The following MAP2K4 variants were observed in gnomAD, a reference collection of about 807,000 sequenced individuals.
MAP2K4 encodes dual specificity mitogen-activated protein kinase kinase 4.
Under a neutral mutation model 48.5 loss-of-function variants are expected in MAP2K4, and 4 were observed. That is an observed-to-expected ratio of 0.08 (90% confidence interval 0.04 to 0.19). The LOEUF (loss-of-function observed/expected upper bound fraction) is 0.19. MAP2K4 is among the 10% of genes least tolerant of loss of function. The pLI, the probability that MAP2K4 is intolerant of heterozygous loss-of-function variation, is 1.00. For synonymous variants in MAP2K4, 166 were observed against 173.1 expected, an observed-to-expected ratio of 0.96 and a Z score of 0.32; for missense variants, 258 against 493.3, an observed-to-expected ratio of 0.52 and a Z score of 4.52.
chr17:12,067,111 T>G (rs1407942833), intron 2 of MAP2K4, among the ~76,000 whole-genome samples: 1 of 152,216 alleles, frequency 6.6e-6, no homozygotes, highest in Non-Finnish European at 1.5e-5. Flanking sequence ...GGTGAGCCAC[T>G]GTGCCCCACC....
At chr17:12,023,989 AT>A (rs1234666390) in intron 1 of MAP2K4, among the ~76,000 whole-genome samples, 1 of 152,172 alleles carries the variant, frequency 6.6e-6, no homozygotes, top group Admixed American at 6.5e-5. Flanking sequence ...CCCTTTTACT[AT>A]TGGTAAATGA....
chr17:12,088,459 T>TAA (rs1407064764), intron 3 of MAP2K4, among the ~76,000 whole-genome samples: 23,268 of 138,842 alleles, frequency 0.17, 2,410 homozygotes, highest in South Asian at 0.3. Flanking sequence ...TATTAAATAT[T>TAA]ATACAATATT....
intron 1 of MAP2K4, among the ~76,000 whole-genome samples, chr17:12,023,704 A>C (rs1969166828): frequency 6.6e-6 from 1 of 152,076 alleles, no homozygotes; most frequent in Non-Finnish European, 1.5e-5. Context: ...CAGGCTGGCC[A>C]ATATTGCTTT....
At chr17:12,039,562 C>T (rs1969711416) in intron 1 of MAP2K4, among the ~76,000 whole-genome samples, 1 of 152,176 alleles carries the variant, frequency 6.6e-6, no homozygotes, top group Non-Finnish European at 1.5e-5. Context: ...ATTTTATCCA[C>T]ATAAATGTGT....
In MAP2K4 at chr17:12,141,803, T is replaced by C. The variant is rs1223668429; in HGVS notation, c.*543T>C. On this transcript the variant is annotated 3_prime_UTR_variant, in exon 11 of 11. Coordinates refer to ENST00000353533, the MANE Select transcript of MAP2K4 (RefSeq NM_003010.4). ...TTACTGATGTGATATTCTGTTGCTT[T>C]ACAGTTACAGTTGATGTTTGGGGAT... 4.3e-6 allele frequency: 1 copy of C among 234,020 alleles called. No individual in the cohort carries two copies. Among genetic ancestry groups the C allele is most frequent in the African/African-American group, 2.2e-5 (1 of 45,374 alleles). The allele number at this position is 234,020 out of a possible 1,614,324, so 14.5% of individuals were successfully genotyped here.
At chr17:12,083,143 TTGA>T (rs923730252) in intron 3 of MAP2K4, among the ~76,000 whole-genome samples, 1 of 152,254 alleles carries the variant, frequency 6.6e-6, no homozygotes, top group African/African-American at 2.4e-5. Flanking sequence ...TTCAACTTTG[TTGA>T]TGAACATTAT....
At chr17:12,027,701 G>T (rs971484979) in intron 1 of MAP2K4, among the ~76,000 whole-genome samples, 9 of 152,148 alleles carry the variant, frequency 5.9e-5, no homozygotes, top group Non-Finnish European at 8.8e-5. Context: ...CTGGTTATGT[G>T]CCTGTCATGG....
chr17:12,123,542 C>G (rs1347835357), intron 7 of MAP2K4, among the ~76,000 whole-genome samples: 2 of 151,974 alleles, frequency 1.3e-5, no homozygotes, highest in African/African-American at 4.8e-5. Context: ...CTTGTCTTCA[C>G]GTTACTTTTT....
At chr17:12,129,099 T>C in intron 8 of MAP2K4, 40 bp from the exon 9 acceptor site, 3 of 1,605,346 alleles carry the variant, frequency 1.9e-6, no homozygotes, top group Non-Finnish European at 2.6e-6. Flanking sequence ...TAGTAAATGA[T>C]GCCTGGTGTA....
At chr17:12,097,733 GTGTTTGACAAAAGTTA>G (rs1342592263) in intron 4 of MAP2K4, among the ~76,000 whole-genome samples, 1 of 152,204 alleles carries the variant, frequency 6.6e-6, no homozygotes, top group East Asian at 1.9e-4. Context: ...GAAATTTAGT[GTGTTTGACAAAAGTTA>G]CACAGCCAAC....
intron 1 of MAP2K4, among the ~76,000 whole-genome samples, chr17:12,033,866 C>G (rs1008030725): frequency 7.9e-5 from 12 of 152,230 alleles, no homozygotes; most frequent in Admixed American, 3.9e-4. Flanking sequence ...CAAGTTGGAG[C>G]CCAGCCTCCA....
intron 2 of MAP2K4, among the ~76,000 whole-genome samples, chr17:12,070,752 C>G (rs1465001803): frequency 2.6e-5 from 4 of 152,166 alleles, no homozygotes; most frequent in African/African-American, 9.7e-5. Context: ...CATCTGGCTG[C>G]ATAGTTGCAG....
At chr17:12,092,516 C>T (rs1279469550) in intron 3 of MAP2K4, among the ~76,000 whole-genome samples, 4 of 152,110 alleles carry the variant, frequency 2.6e-5, no homozygotes, top group Non-Finnish European at 5.9e-5. Context: ...TAGCTTTAGT[C>T]TCTTAAGTAT....
intron 2 of MAP2K4, among the ~76,000 whole-genome samples, chr17:12,067,289 A>G (rs1048491329): frequency 4.6e-5 from 7 of 152,178 alleles, no homozygotes; most frequent in African/African-American, 1.7e-4. Context: ...AAATTAACCA[A>G]TGTTTAATTC....
intron 2 of MAP2K4, among the ~76,000 whole-genome samples, chr17:12,080,372 G>C (rs2151547679): frequency 6.6e-6 from 1 of 152,310 alleles, no homozygotes. Flanking sequence ...ATGGTTGATA[G>C]TTTGTTCCTA....
chr17:12,092,186 G>A (rs1971584948), intron 3 of MAP2K4, among the ~76,000 whole-genome samples: 1 of 152,060 alleles, frequency 6.6e-6, no homozygotes, highest in African/African-American at 2.4e-5. Context: ...CAAGTAAACA[G>A]CCTTATCTAA....
At chr17:12,101,202 A>G (rs1298972606) in intron 4 of MAP2K4, among the ~76,000 whole-genome samples, 2 of 152,060 alleles carry the variant, frequency 1.3e-5, no homozygotes, top group African/African-American at 4.8e-5. Flanking sequence ...TCACATTTAT[A>G]CTTATCCATT....
intron 1 of MAP2K4, chr17:12,032,428 ATTC>A: frequency 2.4e-6 from 1 of 413,206 alleles, no homozygotes; most frequent in Non-Finnish European, 4.2e-6. Context: ...ACCATTTTTC[ATTC>A]TTCTTCCAAA....
At chr17:12,065,832 A>G (rs555189991) in intron 2 of MAP2K4, among the ~76,000 whole-genome samples, 2 of 152,194 alleles carry the variant, frequency 1.3e-5, no homozygotes, top group Non-Finnish European at 1.5e-5. Flanking sequence ...TATTTCGACA[A>G]TTTAGATGAC....
Sources: allele counts gnomAD v4.1 joint callset (sites outside exome capture counted in the v4.1 genomes callset), GRCh38; gene constraint gnomAD v4.1.1; transcripts MANE v1.5; gene names NCBI Gene and HGNC (gene_info 2026-07-23, HGNC 2026-07-21).